The following TBCK variants were observed in gnomAD, a reference collection of about 807,000 sequenced individuals.
The protein encoded by TBCK is TBC1 domain containing kinase.
TBCK carries 99 observed loss-of-function variants against 113.4 expected under a neutral mutation model. That is an observed-to-expected ratio of 0.87 (90% confidence interval 0.74 to 1.03). The LOEUF (loss-of-function observed/expected upper bound fraction) is 1.03, where lower values mean the gene tolerates loss of function less well. Among genes scored for constraint, TBCK ranks in the 50% least tolerant of loss-of-function variants. The pLI, the probability that TBCK is intolerant of heterozygous loss-of-function variation, is 0.00. For missense variants in TBCK, 1,045 were observed against 1,061.3 expected (o/e 0.98, Z 0.21); for synonymous variants, 369 against 370.8 (o/e 1.00, Z 0.05).
intron 24 of TBCK, among the ~76,000 whole-genome samples, chr4:106,097,581 A>C (rs1415170059): frequency 4.6e-5 from 7 of 152,146 alleles, no homozygotes; most frequent in Non-Finnish European, 1.5e-5. Context: ...TGTTTATATA[A>C]GTTGGATAAT....
intron 11 of TBCK, among the ~76,000 whole-genome samples, chr4:106,244,259 A>G (rs965614570): frequency 1.3e-5 from 2 of 152,180 alleles, no homozygotes; most frequent in Admixed American, 6.5e-5. Context: ...ATAGTTCTTC[A>G]TAGTAGGAAC....
At chr4:106,124,121 C>G (rs1485617598) in intron 23 of TBCK, among the ~76,000 whole-genome samples, 1 of 151,774 alleles carries the variant, frequency 6.6e-6, no homozygotes, top group Non-Finnish European at 1.5e-5. Flanking sequence ...GGGCTAATAT[C>G]CAGAATCTAC....
At chr4:106,183,805 C>T (rs141998485) in intron 22 of TBCK, among the ~76,000 whole-genome samples, 17 of 152,152 alleles carry the variant, frequency 1.1e-4, no homozygotes, top group African/African-American at 3.6e-4. Context: ...GTATTTTTCA[C>T]AAGTCCCACT....
intron 20 of TBCK, among the ~76,000 whole-genome samples, chr4:106,211,674 A>G (rs1243921503): frequency 6.6e-6 from 1 of 152,048 alleles, no homozygotes. Flanking sequence ...TAGTTTTAGG[A>G]AGTTTTTAAC....
In TBCK at chr4:106,235,250, C is replaced by T; in HGVS notation, c.1449+19G>A. 1 of 1,544,698 alleles carries T rather than the reference C, an allele frequency of 6.5e-7. No individual in the cohort carries two copies. The highest frequency in any genetic ancestry group is 8.8e-7 in the Non-Finnish European group (1 of 1,133,324). ...CTTTGCATAATTAATCAGCTTCTAA[C>T]CTTTTCTTTTTTCCTTACCTCAACT... is the stretch of plus-strand genomic sequence containing the variant. On this transcript the variant is annotated intron_variant, in intron 15 of 25. Coordinates refer to ENST00000394708, the MANE Select transcript of TBCK (RefSeq NM_001163435.3).
intron 23 of TBCK, among the ~76,000 whole-genome samples, chr4:106,130,770 G>A (rs1745805294): frequency 6.6e-6 from 1 of 151,998 alleles, no homozygotes; most frequent in Admixed American, 6.6e-5. Context: ...TATGCAACTT[G>A]TTTTCAATCA....
At chr4:106,132,294 A>G (rs1746042239) in intron 23 of TBCK, among the ~76,000 whole-genome samples, 1 of 152,176 alleles carries the variant, frequency 6.6e-6, no homozygotes, top group South Asian at 2.1e-4. Flanking sequence ...AAGCCTCATG[A>G]CATGGTGCCC....
chr4:106,165,425 G>A (rs1750250852), intron 23 of TBCK, among the ~76,000 whole-genome samples: 1 of 151,694 alleles, frequency 6.6e-6, no homozygotes, highest in African/African-American at 2.4e-5. Context: ...AGGTAAAACT[G>A]CCAGAAAGAT....
intron 24 of TBCK, among the ~76,000 whole-genome samples, chr4:106,097,827 G>T (rs958317433): frequency 6.6e-6 from 1 of 151,936 alleles, no homozygotes; most frequent in Non-Finnish European, 1.5e-5. Flanking sequence ...TTTGGAAAAT[G>T]AGCAAACAAC....
At chr4:106,085,335 A>G (rs1218057922) in intron 25 of TBCK, among the ~76,000 whole-genome samples, 1 of 152,250 alleles carries the variant, frequency 6.6e-6, no homozygotes, top group Non-Finnish European at 1.5e-5. Context: ...CTGACAAAAC[A>G]GACTTTAAAC....
At chr4:106,057,642 C>A (rs1735581946) in intron 25 of TBCK, among the ~76,000 whole-genome samples, 1 of 151,634 alleles carries the variant, frequency 6.6e-6, no homozygotes, top group African/African-American at 2.4e-5. Context: ...TGGTCCTCCC[C>A]AACAATTTGT....
At chr4:106,177,739 T>C (rs1323180099) in intron 22 of TBCK, among the ~76,000 whole-genome samples, 2 of 151,988 alleles carry the variant, frequency 1.3e-5, no homozygotes, top group Non-Finnish European at 2.9e-5. Flanking sequence ...TACAGCTCTG[T>C]AGTATATTTG....
intron 24 of TBCK, 119 bp from the exon 25 acceptor site, chr4:106,095,760 G>A (rs1740829480): frequency 2.6e-6 from 2 of 763,694 alleles, no homozygotes; most frequent in Non-Finnish European, 3.8e-6. Context: ...GCTTATGTGA[G>A]TATTTTATCT....
chr4:106,140,829 C>T lies in TBCK; in HGVS notation c.2236-24451G>A, dbSNP rs1251578437. Among the ~76,000 whole-genome samples, 5 of 139,104 alleles carry T rather than the reference C, an allele frequency of 3.6e-5. 1 individual carries two copies. The highest frequency in any genetic ancestry group is 1.3e-4 in the African/African-American group (5 of 39,492). The allele number at this position is 139,104 out of a possible 152,430, so 91.3% of individuals were successfully genotyped here. On this transcript the variant is annotated intron_variant, in intron 23 of 25. Coordinates refer to ENST00000394708, the MANE Select transcript of TBCK (RefSeq NM_001163435.3). ...ACTTTAAATATACCCTTGACTTAAA[C>T]CGAAAGTTTGGTAGTTTCTGATAGG...
chr4:106,179,684 C>T (rs1164244983), intron 22 of TBCK, among the ~76,000 whole-genome samples: 2 of 151,860 alleles, frequency 1.3e-5, no homozygotes, highest in Non-Finnish European at 2.9e-5. Context: ...GAGAATGTTC[C>T]ATGTGCTTTT....
At position 106,093,245 on chromosome 4, in the gene TBCK, G is replaced by A. The variant is rs192780485; in HGVS notation, c.2571+2237C>T. Among the ~76,000 whole-genome samples, 96 of 152,278 alleles carry A rather than the reference G, an allele frequency of 6.3e-4. 1 individual carries two copies. The highest frequency in any genetic ancestry group is 2.2e-3 in the African/African-American group (90 of 41,558). On this transcript the variant is annotated intron_variant, in intron 25 of 25. Coordinates refer to ENST00000394708, the MANE Select transcript of TBCK (RefSeq NM_001163435.3). ...ATCCTGGCCAGGTGCGGAGGCTCACGCCTGTAATCCCAGCACTTTGGGAGG... is the reference window on the plus strand; with the variant it reads ...ATCCTGGCCAGGTGCGGAGGCTCACACCTGTAATCCCAGCACTTTGGGAGG...
chr4:106,220,320 C>G (rs780182388), intron 19 of TBCK, among the ~76,000 whole-genome samples: 2 of 152,124 alleles, frequency 1.3e-5, no homozygotes, highest in African/African-American at 4.8e-5. Flanking sequence ...CTTCTCCTGC[C>G]GCTGCCATGT....
intron 22 of TBCK, among the ~76,000 whole-genome samples, chr4:106,193,383 C>T (rs1483361407): frequency 6.6e-6 from 1 of 152,012 alleles, no homozygotes; most frequent in Non-Finnish European, 1.5e-5. Context: ...GTAGCATTAC[C>T]AAGATGGAAG....
chr4:106,248,254 G>C lies in TBCK; in HGVS notation c.773C>G (p.Pro258Arg), dbSNP rs2150053484. The C allele has an allele frequency of 3.8e-6, 6 of 1,594,282 alleles. No homozygotes were observed. Among genetic ancestry groups the C allele is most frequent in the Non-Finnish European group, 5.1e-6 (6 of 1,170,324 alleles). ...TCTAAATAATATCAACCTCTTAGAA[G>C]GATGGAAGGTAAGGCACTTATTCAA... is the stretch of plus-strand genomic sequence containing the variant. ...DLLNKCLTFH[P>R]SKRPTPDQLM... is the part of the protein sequence containing the mutation. Residue 258 changes from proline (P) to arginine (R), a missense_variant, in exon 9 of 26, where the codon CCT becomes CGT. Transcript: ENST00000394708.
Sources: allele counts gnomAD v4.1 joint callset (sites outside exome capture counted in the v4.1 genomes callset), GRCh38; gene constraint gnomAD v4.1.1; transcripts MANE v1.5; gene names NCBI Gene and HGNC (gene_info 2026-07-23, HGNC 2026-07-21).